EVA1A: variants seen among roughly 807,000 people sequenced by gnomAD.
The protein encoded by EVA1A is protein eva-1 homolog A.
A neutral mutation model predicts 9.8 loss-of-function variants in EVA1A; 7 were observed. The ratio of observed to expected loss-of-function variants is 0.71; its 90% CI spans 0.41 to 1.34. The LOEUF (loss-of-function observed/expected upper bound fraction) is 1.34, where lower values mean the gene tolerates loss of function less well. Ranked by LOEUF, EVA1A falls within the 40% of genes most tolerant of loss-of-function variation. The pLI is 0.01. For missense variants in EVA1A, 206 were observed against 205.9 expected, an observed-to-expected ratio of 1.00 and a Z score of 0.00; for synonymous variants, 90 against 85.6, an observed-to-expected ratio of 1.05 and a Z score of -0.28.
At chr2:75,568,667 A>C (rs12468358) in intron 1 of EVA1A, among the ~76,000 whole-genome samples, 38,713 of 151,994 alleles carry the variant, frequency 0.25, 5,405 homozygotes, top group Admixed American at 0.36. Flanking sequence ...ATGCCTTTGC[A>C]TCCTCATAGT....
At chr2:75,553,958 C>A (rs1325888412) in intron 1 of EVA1A, among the ~76,000 whole-genome samples, 1 of 152,194 alleles carries the variant, frequency 6.6e-6, no homozygotes, top group Admixed American at 6.5e-5. Flanking sequence ...GGCCAAGTGG[C>A]ACTCAGGATG....
At chr2:75,525,028 C>T (rs1341758779) in intron 1 of EVA1A, among the ~76,000 whole-genome samples, 1 of 151,782 alleles carries the variant, frequency 6.6e-6, no homozygotes, top group Non-Finnish European at 1.5e-5. Flanking sequence ...ACCTTCTTGC[C>T]CCATATACAA....
chr2:75,537,246 C>T (rs577979039), intron 1 of EVA1A, among the ~76,000 whole-genome samples: 103 of 152,090 alleles, frequency 6.8e-4, no homozygotes, highest in African/African-American at 2.4e-3. Context: ...AAAATTTTTT[C>T]AAAAATTCAA....
intron 1 of EVA1A, among the ~76,000 whole-genome samples, chr2:75,534,185 G>A (rs191536020): frequency 6.6e-6 from 1 of 152,224 alleles, no homozygotes; most frequent in Admixed American, 6.5e-5. Context: ...CCTGCAGTGA[G>A]CTATGATTGT....
chr2:75,536,710 G>C (rs545402220), intron 1 of EVA1A, among the ~76,000 whole-genome samples: 1 of 152,162 alleles, frequency 6.6e-6, no homozygotes, highest in African/African-American at 2.4e-5. Flanking sequence ...CAGACAAAAT[G>C]AACCAGTTCC....
At chr2:75,560,091 G>C (rs1163217259) in intron 1 of EVA1A, among the ~76,000 whole-genome samples, 1 of 152,236 alleles carries the variant, frequency 6.6e-6, no homozygotes, top group South Asian at 2.1e-4. Flanking sequence ...ATAGAGCAGC[G>C]TGGACTGTCT....
rs1675076890 is a variant in EVA1A at position 75,518,046 on chromosome 2, A to C, written c.85+10T>G. ...CCTCAGTCCTGGCCCAGTGGAAACC[A>C]GGCACCTACCTGAGACAAAGGAATA... On this transcript the variant is annotated intron_variant, in intron 3 of 3. Coordinates refer to ENST00000393913, the MANE Select transcript of EVA1A (RefSeq NM_001135032.2). 6.2e-7 allele frequency: 1 copy of C among 1,613,798 alleles called. No individual in the cohort carries two copies. Among genetic ancestry groups the C allele is most frequent in the Non-Finnish European group, 8.5e-7 (1 of 1,179,924 alleles).
rs999989004 is a variant in EVA1A at position 75,493,057 on chromosome 2, A to G, written c.*179T>C. On this transcript the variant is annotated 3_prime_UTR_variant, in exon 4 of 4. Coordinates refer to ENST00000393913, the MANE Select transcript of EVA1A (RefSeq NM_001135032.2). The stretch of plus-strand genomic sequence containing the variant: ...GGTGATGAACTGCTTTGATTTTTCT[A>G]CTTCTCCATACATTTGGCCAAAAAG... 1.7e-5 allele frequency: 14 copies of G among 832,354 alleles called. No individual in the cohort carries two copies. Among genetic ancestry groups the G allele is most frequent in the Non-Finnish European group, 2.6e-5 (14 of 534,926 alleles). 51.6% of individuals were successfully genotyped at this position (832,354 alleles called of 1,614,324 possible).
At chr2:75,541,562 G>A (rs1246244320) in intron 1 of EVA1A, among the ~76,000 whole-genome samples, 1 of 152,154 alleles carries the variant, frequency 6.6e-6, no homozygotes, top group Admixed American at 6.5e-5. Context: ...GGGCATCAAG[G>A]TGGGCTGGTC....
At chr2:75,506,710 C>T (rs1001364327) in intron 3 of EVA1A, among the ~76,000 whole-genome samples, 1 of 152,170 alleles carries the variant, frequency 6.6e-6, no homozygotes, top group Non-Finnish European at 1.5e-5. Context: ...AAATTTAATT[C>T]ATTTCCAAGA....
chr2:75,543,134 G>A (rs1334126808), intron 1 of EVA1A, among the ~76,000 whole-genome samples: 3 of 152,266 alleles, frequency 2.0e-5, no homozygotes, highest in Non-Finnish European at 2.9e-5. Context: ...GGTCAGCCAC[G>A]ATACATGCGC....
intron 3 of EVA1A, chr2:75,517,823 A>G: frequency 1.4e-6 from 1 of 724,590 alleles, no homozygotes; most frequent in Non-Finnish European, 2.6e-6. Context: ...TTGAGCAGCT[A>G]AACATTTTCT....
intron 1 of EVA1A, chr2:75,558,829 A>G (rs1477738528): frequency 5.9e-5 from 9 of 152,224 alleles, no homozygotes; most frequent in African/African-American, 9.6e-5. Context: ...AAAGACAGTG[A>G]TTTTCAAACT....
rs558665374 is a variant in EVA1A, at chr2:75,559,800, A to G, written c.-192+880T>C. ...AGTGTATGTGTGGTATAGACCAGCT[A>G]GGACCCAAATCCTGGCTGGGCCCTT... On this transcript the variant is annotated intron_variant, in intron 1 of 3. Transcript: ENST00000393913. 6.1e-4 allele frequency among the ~76,000 whole-genome samples: 92 copies of G among 152,048 alleles called. 1 individual carries two copies. The South Asian group carries it at 0.017, about 28-fold the overall frequency.
intron 3 of EVA1A, among the ~76,000 whole-genome samples, chr2:75,498,900 C>T (rs371955385): frequency 1.3e-5 from 2 of 152,046 alleles, no homozygotes; most frequent in South Asian, 2.1e-4. Flanking sequence ...AAAGGCCTCA[C>T]CTTTATCTTT....
chr2:75,566,753 A>G (rs539299411), intron 1 of EVA1A, among the ~76,000 whole-genome samples: 34 of 151,988 alleles, frequency 2.2e-4, no homozygotes, highest in African/African-American at 7.5e-4. Context: ...CTGCTGCCCA[A>G]TACAACATTT....
At chr2:75,538,056 G>A (rs1018624466) in intron 1 of EVA1A, among the ~76,000 whole-genome samples, 2 of 152,208 alleles carry the variant, frequency 1.3e-5, no homozygotes, top group Admixed American at 6.5e-5. Context: ...TCGGGAGACT[G>A]AGGCAGGTGG....
At chr2:75,536,260 A>G (rs75845831) in intron 1 of EVA1A, among the ~76,000 whole-genome samples, 2,158 of 152,188 alleles carry the variant, frequency 0.014, 38 homozygotes, top group African/African-American at 0.049. Flanking sequence ...GCTTGAGCCC[A>G]GGTGGCAGAA....
chr2:75,496,746 G>A lies in EVA1A; in HGVS notation c.86-3137C>T, dbSNP rs374898329. 1.8e-3 allele frequency among the ~76,000 whole-genome samples: 280 copies of A among 152,140 alleles called. 6 individuals carry two copies. The highest frequency in any genetic ancestry group is 6.5e-3 in the African/African-American group (271 of 41,536). Reference sequence around the variant, plus strand: ...AGCCAAAGCAATCCTAAGGTGGGAAGAAAAGAAAAGCCAGAGGCATCACAT... The same window carrying A: ...AGCCAAAGCAATCCTAAGGTGGGAAAAAAAGAAAAGCCAGAGGCATCACAT... On this transcript the variant is annotated intron_variant, in intron 3 of 3. Transcript: ENST00000393913.
Sources: allele counts gnomAD v4.1 joint callset (sites outside exome capture counted in the v4.1 genomes callset), GRCh38; gene constraint gnomAD v4.1.1; transcripts MANE v1.5; gene names NCBI Gene and HGNC (gene_info 2026-07-23, HGNC 2026-07-21).